Variants in KCNH8 observed in about 807,000 individuals in gnomAD.
KCNH8 encodes the protein potassium voltage-gated channel subfamily H member 8.
A neutral mutation model predicts 103.6 loss-of-function variants in KCNH8; 70 were observed. That is an observed-to-expected ratio of 0.68 (90% confidence interval 0.56 to 0.82). The LOEUF is 0.82. KCNH8 is among the 40% of genes least tolerant of loss of function. The pLI is 0.00. For missense variants in KCNH8, 1,217 were observed against 1,329.9 expected, an observed-to-expected ratio of 0.92 and a Z score of 1.32; for synonymous variants, 498 against 489.4, an observed-to-expected ratio of 1.02 and a Z score of -0.23.
At chr3:19,215,172 T>C (rs939956328) in intron 1 of KCNH8, among the ~76,000 whole-genome samples, 1 of 152,150 alleles carries the variant, frequency 6.6e-6, no homozygotes, top group African/African-American at 2.4e-5. Flanking sequence ...TCCCATCAGG[T>C]TTATTTGGGG....
intron 1 of KCNH8, among the ~76,000 whole-genome samples, chr3:19,249,160 T>C (rs1446621181): frequency 6.6e-6 from 1 of 152,232 alleles, no homozygotes; most frequent in Non-Finnish European, 1.5e-5. Context: ...TGGATAGTGA[T>C]ATACCCATGA....
intron 1 of KCNH8, among the ~76,000 whole-genome samples, chr3:19,233,442 GAAA>G (rs1339054227): frequency 6.6e-6 from 1 of 152,122 alleles, no homozygotes; most frequent in African/African-American, 2.4e-5. Flanking sequence ...TATAGGGAAA[GAAA>G]AGAAGATAGG....
intron 15 of KCNH8, among the ~76,000 whole-genome samples, chr3:19,521,198 C>A (rs2068965587): frequency 6.6e-6 from 1 of 151,968 alleles, no homozygotes; most frequent in South Asian, 2.1e-4. Flanking sequence ...CAGAAAGATA[C>A]AGAGGCAAAG....
chr3:19,460,783 T>C (rs1257520376), intron 11 of KCNH8, among the ~76,000 whole-genome samples: 1 of 152,182 alleles, frequency 6.6e-6, no homozygotes, highest in African/African-American at 2.4e-5. Flanking sequence ...GTGGAGATAA[T>C]TGAATCATGG....
At chr3:19,230,945 A>C (rs2063987642) in intron 1 of KCNH8, among the ~76,000 whole-genome samples, 1 of 152,206 alleles carries the variant, frequency 6.6e-6, no homozygotes, top group Admixed American at 6.5e-5. Flanking sequence ...GAAAGATGTA[A>C]AATGCGTTCA....
intron 1 of KCNH8, among the ~76,000 whole-genome samples, chr3:19,214,314 G>A (rs1029562708): frequency 2.0e-5 from 3 of 152,116 alleles, no homozygotes; most frequent in African/African-American, 7.2e-5. Flanking sequence ...TCTTTATCCG[G>A]ATTGGATCCA....
At chr3:19,471,305 A>C (rs2067850934) in intron 11 of KCNH8, among the ~76,000 whole-genome samples, 1 of 152,192 alleles carries the variant, frequency 6.6e-6, no homozygotes, top group Admixed American at 6.5e-5. Flanking sequence ...GAGAATGAAA[A>C]ACAACCTACT....
At chr3:19,460,612 G>C (rs1455008822) in intron 11 of KCNH8, among the ~76,000 whole-genome samples, 1 of 152,126 alleles carries the variant, frequency 6.6e-6, no homozygotes, top group Non-Finnish European at 1.5e-5. Context: ...AGCCAAATGT[G>C]ATGCTCTCAT....
chr3:19,526,902 T>C (rs1301952882), intron 15 of KCNH8, among the ~76,000 whole-genome samples: 2 of 151,992 alleles, frequency 1.3e-5, no homozygotes, highest in Non-Finnish European at 2.9e-5. Flanking sequence ...CAAAGATTTG[T>C]AGAGTTCTAT....
At chr3:19,370,998 C>G (rs2125116009) in intron 5 of KCNH8, among the ~76,000 whole-genome samples, 1 of 152,212 alleles carries the variant, frequency 6.6e-6, no homozygotes, top group African/African-American at 2.4e-5. Context: ...TTTTCTTAAT[C>G]CAGTCTATTA....
At chr3:19,438,461 T>A in intron 8 of KCNH8, 100 bp downstream of exon 8, 1 of 960,144 alleles carries the variant, frequency 1.0e-6, no homozygotes, top group South Asian at 1.6e-5. Context: ...GATAAACTGA[T>A]TAACACTGGA....
chr3:19,485,611 A>G (rs982476045), intron 11 of KCNH8, among the ~76,000 whole-genome samples: 3 of 152,106 alleles, frequency 2.0e-5, no homozygotes, highest in African/African-American at 4.8e-5. Context: ...TCCTCCTTTT[A>G]TTACTTGCCC....
intron 1 of KCNH8, among the ~76,000 whole-genome samples, chr3:19,187,394 TAAC>T (rs758269232): frequency 1.1e-4 from 16 of 151,984 alleles, no homozygotes; most frequent in Non-Finnish European, 2.2e-4. Flanking sequence ...TGTCATGAAA[TAAC>T]AACAACGGAG....
At chr3:19,463,232 G>T (rs770458085) in intron 11 of KCNH8, among the ~76,000 whole-genome samples, 4 of 151,866 alleles carry the variant, frequency 2.6e-5, no homozygotes, top group Non-Finnish European at 5.9e-5. Flanking sequence ...AGATACTAAG[G>T]GACCACTGTA....
intron 1 of KCNH8, among the ~76,000 whole-genome samples, chr3:19,156,365 T>C (rs1302301542): frequency 6.6e-6 from 1 of 152,208 alleles, no homozygotes; most frequent in Non-Finnish European, 1.5e-5. Context: ...AAAATGTGCT[T>C]GTATAGCAAG....
At chr3:19,217,858 A>G (rs2063832792) in intron 1 of KCNH8, among the ~76,000 whole-genome samples, 1 of 152,160 alleles carries the variant, frequency 6.6e-6, no homozygotes. Flanking sequence ...GACTTACCTT[A>G]TTTAGTTTGT....
At chr3:19,154,462 C>G (rs1313000221) in intron 1 of KCNH8, among the ~76,000 whole-genome samples, 2 of 152,148 alleles carry the variant, frequency 1.3e-5, no homozygotes, top group African/African-American at 4.8e-5. Context: ...CCATCTATGT[C>G]TAGTTAAAAA....
At chr3:19,509,152 T>A (rs1396033545) in intron 11 of KCNH8, among the ~76,000 whole-genome samples, 1 of 152,214 alleles carries the variant, frequency 6.6e-6, no homozygotes, top group Non-Finnish European at 1.5e-5. Flanking sequence ...AAAATGCATC[T>A]GGTTAAGGCA....
intron 3 of KCNH8, among the ~76,000 whole-genome samples, chr3:19,330,099 C>A (rs1295777255): frequency 6.6e-6 from 1 of 151,890 alleles, no homozygotes; most frequent in Non-Finnish European, 1.5e-5. Flanking sequence ...TTTTGTCTCC[C>A]GCAGCATCCA....
Sources: allele counts gnomAD v4.1 joint callset (sites outside exome capture counted in the v4.1 genomes callset), GRCh38; gene constraint gnomAD v4.1.1; transcripts MANE v1.5; gene names NCBI Gene and HGNC (gene_info 2026-07-23, HGNC 2026-07-21).